The following TNC variants were observed in gnomAD, a reference collection of about 807,000 sequenced individuals.
The protein encoded by TNC is tenascin.
Under a neutral mutation model 202.4 loss-of-function variants are expected in TNC, and 109 were observed. The ratio of observed to expected loss-of-function variants is 0.54; its 90% CI spans 0.46 to 0.63. The LOEUF (loss-of-function observed/expected upper bound fraction) is 0.63, where lower values mean the gene tolerates loss of function less well. Ranked by LOEUF, TNC falls within the 30% of genes least tolerant of loss-of-function variation. The pLI, the probability that TNC is intolerant of heterozygous loss-of-function variation, is 0.00. For synonymous variants in TNC, 1,007 were observed against 1,089.7 expected (o/e 0.92, Z 1.50); for missense variants, 2,756 against 2,833.3 (o/e 0.97, Z 0.62).
intron 26 of TNC, 92 bp downstream of exon 26, chr9:115,026,442 A>G: frequency 7.4e-7 from 1 of 1,359,704 alleles, no homozygotes; most frequent in Non-Finnish European, 1.0e-6. Context: ...TTGCTGGATT[A>G]ATGAGGAAGG....
intron 1 of TNC, among the ~76,000 whole-genome samples, chr9:115,117,048 A>T (rs955053624): frequency 6.6e-6 from 1 of 152,220 alleles, no homozygotes; most frequent in Non-Finnish European, 1.5e-5. Context: ...TTTCTCCTCA[A>T]AACGACAGCA....
At chr9:115,087,408 T>A in intron 2 of TNC, 135 bp from the exon 3 acceptor site, 1 of 807,492 alleles carries the variant, frequency 1.2e-6, no homozygotes, top group South Asian at 1.8e-5. Flanking sequence ...GAGAACCATT[T>A]GTTGTAGTGT....
chr9:115,022,130 G>A (rs1267979373), intron 27 of TNC, among the ~76,000 whole-genome samples: 1 of 152,230 alleles, frequency 6.6e-6, no homozygotes, highest in African/African-American at 2.4e-5. Flanking sequence ...CCCCACTGTG[G>A]GGAAGTTAAT....
chr9:115,073,634 C>T lies in TNC; in HGVS notation c.3183G>A (p.Lys1061=). 1 of 1,614,158 alleles carries T rather than the reference C, an allele frequency of 6.2e-7. No homozygotes were observed. Among genetic ancestry groups the T allele is most frequent in the Non-Finnish European group, 8.5e-7 (1 of 1,180,022 alleles). ...VLLTAEKGRH[K]SKPARVKAST... ...ATGCCTTCACACGTGCGGGCTTGCT[C>T]TTGTGTCTGCCTTTCTCGGCTGTCA... Residue 1061 remains lysine (K), a synonymous_variant, in exon 10 of 28, where the codon AAG becomes AAA. Transcript: ENST00000350763.
At position 115,046,621 on chromosome 9, in the gene TNC, C is replaced by T. The variant is rs753299263; in HGVS notation, c.4914G>A (p.Leu1638=). The change falls in exon 17 of 28, where the codon CTG becomes CTA. Residue 1638 remains leucine, a synonymous_variant. Transcript: ENST00000350763. The part of the protein sequence containing the change: ...VSDATPDGFR[L]SWTADEGVFD... ...AGACCCCTTCATCAGCTGTCCAGGACAGACGGAAACCGTCTGGGGTGGCAT... is the reference window on the plus strand; with the variant it reads ...AGACCCCTTCATCAGCTGTCCAGGATAGACGGAAACCGTCTGGGGTGGCAT... The T allele has an allele frequency of 6.2e-7, 1 of 1,613,968 alleles. No homozygotes were observed. The highest frequency in any genetic ancestry group is 8.5e-7 in the Non-Finnish European group (1 of 1,179,982).
At chr9:115,114,364 C>T (rs1188357119) in intron 1 of TNC, among the ~76,000 whole-genome samples, 4 of 152,320 alleles carry the variant, frequency 2.6e-5, no homozygotes, top group African/African-American at 7.2e-5. Flanking sequence ...GGCCCCAAGG[C>T]CGATTTCACT....
At chr9:115,113,029 A>G (rs1837201334) in intron 1 of TNC, among the ~76,000 whole-genome samples, 2 of 152,334 alleles carry the variant, frequency 1.3e-5, no homozygotes, top group South Asian at 4.1e-4. Context: ...AAAGTCTAGT[A>G]GAGAAAACGT....
chr9:115,046,241 G>A (rs1338831486), intron 17 of TNC, among the ~76,000 whole-genome samples, 169 bp downstream of exon 17: 4 of 151,824 alleles, frequency 2.6e-5, no homozygotes, highest in African/African-American at 9.7e-5. Context: ...TACTTTTTTT[G>A]CATAAGGACT....
chr9:115,021,141 CA>C lies in TNC; in HGVS notation c.*15del. On this transcript the variant is annotated 3_prime_UTR_variant, in exon 28 of 28. Transcript: ENST00000350763. ...CTCTGGGCCTTATTCCTCTCTCACC[CA>C]GTGGTCCCTGGAATTTATGCCCGTT... 2.5e-6 allele frequency: 4 copies of C among 1,599,516 alleles called. No individual in the cohort carries two copies. Among genetic ancestry groups the C allele is most frequent in the Non-Finnish European group, 3.4e-6 (4 of 1,167,120 alleles).
At chr9:115,044,869 A>G (rs1159138738) in intron 17 of TNC, among the ~76,000 whole-genome samples, 2 of 152,130 alleles carry the variant, frequency 1.3e-5, no homozygotes, top group East Asian at 3.9e-4. Flanking sequence ...TACATGGGTG[A>G]TTTCTTGCCA....
chr9:115,075,139 C>T (rs1781167522), intron 9 of TNC, among the ~76,000 whole-genome samples: 2 of 151,990 alleles, frequency 1.3e-5, no homozygotes, highest in South Asian at 4.1e-4. Context: ...GGGAGGTAAG[C>T]TGGGGGCTGG....
rs113110161 is a variant in TNC, at chr9:115,084,378, G to A, written c.1962C>T (p.Val654=). 3.7e-5 allele frequency: 59 copies of A among 1,614,084 alleles called. No individual in the cohort carries two copies. The African/African-American group carries it at 6.5e-4, about 18-fold the overall frequency. The change falls in exon 4 of 28, where the codon GTC becomes GTT. Residue 654 remains valine, a synonymous_variant. Coordinates refer to ENST00000350763, the MANE Select transcript of TNC (RefSeq NM_002160.4). ...DNEMRVTEYL[V]VYTPTHEGGL... is the part of the protein sequence containing the mutation. ...CACCCTCGTGGGTGGGCGTGTACAC[G>A]ACAAGGTACTCTGTGACCCGCATCT...
At chr9:115,066,273 A>G (rs1433664269) in intron 10 of TNC, among the ~76,000 whole-genome samples, 1 of 152,206 alleles carries the variant, frequency 6.6e-6, no homozygotes, top group Non-Finnish European at 1.5e-5. Flanking sequence ...GGCTGAGCTT[A>G]AGTGGACTTT....
intron 1 of TNC, among the ~76,000 whole-genome samples, chr9:115,095,082 CTGTT>C (rs1045868286): frequency 6.6e-6 from 1 of 152,060 alleles, no homozygotes; most frequent in Non-Finnish European, 1.5e-5. Context: ...GTTTGAATCA[CTGTT>C]TGATCACTTC....
At chr9:115,092,089 C>A (rs1218117855) in intron 1 of TNC, among the ~76,000 whole-genome samples, 1 of 152,144 alleles carries the variant, frequency 6.6e-6, no homozygotes, top group Non-Finnish European at 1.5e-5. Context: ...ATGGAATCAT[C>A]CATCCAGTAC....
chr9:115,054,420 T>C (rs116731763), intron 15 of TNC, among the ~76,000 whole-genome samples: 44 of 152,282 alleles, frequency 2.9e-4, no homozygotes, highest in African/African-American at 1.0e-3. Context: ...CACAAAAGAT[T>C]AAAATGTTCC....
intron 23 of TNC, among the ~76,000 whole-genome samples, chr9:115,030,977 G>A (rs1829903997): frequency 6.6e-6 from 1 of 152,204 alleles, no homozygotes; most frequent in Admixed American, 6.5e-5. Context: ...AGATAGTCTT[G>A]AACAGGTCAT....
intron 21 of TNC, chr9:115,035,878 TC>T: frequency 2.0e-6 from 1 of 495,778 alleles, no homozygotes; most frequent in Non-Finnish European, 3.5e-6. Context: ...ATCTTTTCCT[TC>T]CCCGTGGGGA....
In TNC at chr9:115,036,157, C is replaced by T. The variant is rs1307203344; in HGVS notation, c.5597G>A (p.Arg1866Lys). The T allele has an allele frequency of 6.2e-7, 1 of 1,614,168 alleles. No individual in the cohort carries two copies. The highest frequency in any genetic ancestry group is 1.1e-5 in the South Asian group (1 of 91,078). The change falls in exon 21 of 28, where the codon AGA becomes AAA. Residue 1866 changes from arginine (R) to lysine (K), a missense_variant. By Grantham distance (26) the Arg-to-Lys change is conservative (BLOSUM62 2). Coordinates refer to ENST00000350763, the MANE Select transcript of TNC (RefSeq NM_002160.4). ...CTGGGGCCCTTTCTCTGCAAAGATT[C>T]TCAGTGTGTATTCCGTGGCAGGCTC... is the stretch of plus-strand genomic sequence containing the variant. Reference protein sequence around the residue: ...DLEPATEYTLRIFAEKGPQKS... With the variant: ...DLEPATEYTLKIFAEKGPQKS...
Sources: gnomAD v4.1 joint callset for allele counts (sites outside exome capture counted in the v4.1 genomes callset) on GRCh38, gnomAD v4.1.1 for gene constraint, MANE v1.5 for transcripts, NCBI Gene and HGNC (gene_info 2026-07-23, HGNC 2026-07-21) for gene names.